SNTB2: variants seen among roughly 807,000 people sequenced by gnomAD.
SNTB2 encodes syntrophin beta 2, also known as beta-2-syntrophin.
A neutral mutation model predicts 46.2 loss-of-function variants in SNTB2; 34 were observed. The observed-to-expected ratio is 0.74, with a 90% confidence interval of 0.56 to 0.98. The LOEUF (loss-of-function observed/expected upper bound fraction) is 0.98, where lower values mean the gene tolerates loss of function less well. Among genes scored for constraint, SNTB2 ranks in the 50% least tolerant of loss-of-function variants. The pLI, the probability that SNTB2 is intolerant of heterozygous loss-of-function variation, is 0.00. For synonymous variants in SNTB2, 290 were observed against 312.6 expected (o/e 0.93, Z 0.76); for missense variants, 603 against 731.4 (o/e 0.82, Z 2.02).
intron 1 of SNTB2, among the ~76,000 whole-genome samples, chr16:69,196,036 A>G (rs1964102172): frequency 6.6e-6 from 1 of 152,174 alleles, no homozygotes; most frequent in African/African-American, 2.4e-5. Context: ...CTAGTAGTTC[A>G]AGACCAGCCT....
At chr16:69,244,247 G>A (rs1252414476) in intron 1 of SNTB2, among the ~76,000 whole-genome samples, 2 of 152,102 alleles carry the variant, frequency 1.3e-5, no homozygotes, top group African/African-American at 2.4e-5. Flanking sequence ...GCCTATAAAA[G>A]ACTATCAACC....
chr16:69,211,260 A>G (rs1964283245), intron 1 of SNTB2, among the ~76,000 whole-genome samples: 3 of 152,172 alleles, frequency 2.0e-5, no homozygotes, highest in East Asian at 3.8e-4. Flanking sequence ...AACAACTTCT[A>G]TAATTTTAAT....
rs1396928610 is a variant in SNTB2 at position 69,299,704 on chromosome 16, G to A, written c.1460G>A (p.Arg487Lys). The A allele has an allele frequency of 3.7e-6, 6 of 1,614,134 alleles. No homozygotes were observed. Among genetic ancestry groups the A allele is most frequent in the Non-Finnish European group, 4.2e-6 (5 of 1,180,000 alleles). ...SSILYRYPFE[R>K]LKMSADDGIR... ...ATATTGTACCGCTACCCCTTTGAAAGGCTGAAGATGTCTGCTGATGATGGC... is the reference window on the plus strand; with the variant it reads ...ATATTGTACCGCTACCCCTTTGAAAAGCTGAAGATGTCTGCTGATGATGGC... Residue 487 changes from arginine (R) to lysine (K), a missense_variant, in exon 6 of 7, where the codon AGG becomes AAG. Around this residue, in one of 2 missense-constraint regions of SNTB2, gnomAD observed 537 missense variants for 692.4 expected, o/e 0.78. Coordinates refer to ENST00000336278, the MANE Select transcript of SNTB2 (RefSeq NM_006750.4).
intron 1 of SNTB2, among the ~76,000 whole-genome samples, chr16:69,238,022 T>C (rs749638152): frequency 2.0e-5 from 3 of 152,208 alleles, no homozygotes; most frequent in Non-Finnish European, 4.4e-5. Flanking sequence ...TCCTTGCTTG[T>C]GCTGGAAGTC....
rs949743009 is a variant in SNTB2, at chr16:69,193,456, G to T, written c.580+5710G>T. On this transcript the variant is annotated intron_variant, in intron 1 of 6. Coordinates refer to ENST00000336278, the MANE Select transcript of SNTB2 (RefSeq NM_006750.4). Reference sequence around the variant, plus strand: ...AAATTCTCCTGCCTCGGCCTCCCAAGTAGCTTGGATTACTGGTGTGTGCCA... The same window carrying T: ...AAATTCTCCTGCCTCGGCCTCCCAATTAGCTTGGATTACTGGTGTGTGCCA... Among the ~76,000 whole-genome samples, 5 of 147,974 alleles carry T rather than the reference G, an allele frequency of 3.4e-5. No homozygotes were observed. In the Admixed American group the frequency reaches 3.5e-4, roughly 10 times the overall value.
At chr16:69,266,037 A>C (rs1359614035) in intron 3 of SNTB2, among the ~76,000 whole-genome samples, 1 of 152,106 alleles carries the variant, frequency 6.6e-6, no homozygotes, top group East Asian at 1.9e-4. Flanking sequence ...AGCAGACAGC[A>C]TTTGACTTCA....
At chr16:69,224,373 G>A (rs899791927) in intron 1 of SNTB2, among the ~76,000 whole-genome samples, 5 of 151,762 alleles carry the variant, frequency 3.3e-5, no homozygotes, top group East Asian at 1.9e-4. Context: ...CACCACGCCC[G>A]GCTGATTTTT....
At chr16:69,256,944 C>T (rs1018883534) in intron 2 of SNTB2, among the ~76,000 whole-genome samples, 10 of 152,046 alleles carry the variant, frequency 6.6e-5, no homozygotes, top group African/African-American at 1.5e-4. Context: ...CCGAGGCAGG[C>T]GGATCACTTG....
At chr16:69,262,132 C>T (rs938542733) in intron 3 of SNTB2, among the ~76,000 whole-genome samples, 2 of 152,172 alleles carry the variant, frequency 1.3e-5, no homozygotes, top group Non-Finnish European at 2.9e-5. Context: ...GATCCTTTGG[C>T]TCGTATGTCC....
rs1312187658 is a variant in SNTB2, at chr16:69,187,383, C to T, written c.217C>T (p.Leu73Phe). The change falls in exon 1 of 7, where the codon CTC becomes TTC. Residue 73 changes from leucine to phenylalanine, a missense_variant. Physicochemically the swap from Leu to Phe is conservative, Grantham distance 22. Around this residue, in one of 2 missense-constraint regions of SNTB2, gnomAD observed 537 missense variants for 692.4 expected, o/e 0.78. Coordinates refer to ENST00000336278, the MANE Select transcript of SNTB2 (RefSeq NM_006750.4). Reference protein sequence around the residue: ...LGPAAAAFNGLPNGGGAGDSL... With the variant: ...LGPAAAAFNGFPNGGGAGDSL... ...ACCCGCGGCCGCCGCCTTCAACGGC[C>T]TCCCAAACGGCGGCGGCGCGGGCGA... 4 of 1,330,134 alleles carry T rather than the reference C, an allele frequency of 3.0e-6. No individual in the cohort carries two copies. Among genetic ancestry groups the T allele is most frequent in the African/African-American group, 1.5e-5 (1 of 65,096 alleles). 82.4% of individuals were successfully genotyped at this position (1,330,134 alleles called of 1,614,324 possible).
chr16:69,193,274 T>G (rs558599165), intron 1 of SNTB2, among the ~76,000 whole-genome samples: 4 of 149,962 alleles, frequency 2.7e-5, no homozygotes, highest in South Asian at 4.2e-4. Context: ...TTAGAAAAAT[T>G]GGAAGCTTTA....
intron 4 of SNTB2, among the ~76,000 whole-genome samples, chr16:69,275,448 A>G (rs746467044): frequency 6.6e-6 from 1 of 152,134 alleles, no homozygotes; most frequent in African/African-American, 2.4e-5. Context: ...GGATTAGAAT[A>G]AAAAAAGACA....
chr16:69,295,073 G>A (rs962545689), intron 5 of SNTB2, among the ~76,000 whole-genome samples: 5 of 151,664 alleles, frequency 3.3e-5, no homozygotes, highest in African/African-American at 1.2e-4. Flanking sequence ...CACCTGCCTC[G>A]GCCTCCCAAA....
intron 1 of SNTB2, among the ~76,000 whole-genome samples, chr16:69,207,554 C>T (rs544476297): frequency 2.0e-5 from 3 of 152,216 alleles, no homozygotes; most frequent in African/African-American, 4.8e-5. Flanking sequence ...TTGACATTGT[C>T]GAGATTCAGT....
chr16:69,275,680 A>G (rs1964980284), intron 4 of SNTB2, among the ~76,000 whole-genome samples: 5 of 152,180 alleles, frequency 3.3e-5, no homozygotes, highest in African/African-American at 1.2e-4. Flanking sequence ...GGAGTGTTTG[A>G]GATTTAAGTG....
chr16:69,189,659 C>T (rs1567392246), intron 1 of SNTB2, among the ~76,000 whole-genome samples: 1 of 152,180 alleles, frequency 6.6e-6, no homozygotes, highest in African/African-American at 2.4e-5. Flanking sequence ...ATCGTTTGAA[C>T]CTCAGAGGTG....
intron 1 of SNTB2, among the ~76,000 whole-genome samples, chr16:69,237,124 T>C (rs1156747577): frequency 3.3e-5 from 5 of 152,056 alleles, no homozygotes; most frequent in Admixed American, 2.0e-4. Context: ...ACAGGAGATA[T>C]TGGTTCTAGA....
At chr16:69,206,379 G>T (rs1964219545) in intron 1 of SNTB2, among the ~76,000 whole-genome samples, 1 of 151,906 alleles carries the variant, frequency 6.6e-6, no homozygotes, top group Non-Finnish European at 1.5e-5. Context: ...TCAAGATGTG[G>T]GTAATTAGTC....
chr16:69,194,187 G>A (rs930825547), intron 1 of SNTB2, among the ~76,000 whole-genome samples: 5 of 152,158 alleles, frequency 3.3e-5, no homozygotes, highest in African/African-American at 1.2e-4. Flanking sequence ...CTTAATTAGT[G>A]ATATCTGCAA....
Sources: gnomAD v4.1 joint callset for allele counts (sites outside exome capture counted in the v4.1 genomes callset) on GRCh38, gnomAD v4.1.1 for gene constraint, gnomAD v4.1.1 regional missense constraint, MANE v1.5 for transcripts, NCBI Gene and HGNC (gene_info 2026-07-23, HGNC 2026-07-21) for gene names.